The following UNK variants were observed in gnomAD, a reference collection of about 807,000 sequenced individuals.
The protein encoded by UNK is RING finger protein unkempt homolog.
Under a neutral mutation model 97.6 loss-of-function variants are expected in UNK, and 32 were observed. The ratio of observed to expected loss-of-function variants is 0.33; its 90% CI spans 0.25 to 0.44. The LOEUF is 0.44. Among genes scored for constraint, UNK ranks in the 20% least tolerant of loss-of-function variants. The pLI, the probability that UNK is intolerant of heterozygous loss-of-function variation, is 1.00. For synonymous variants in UNK, 441 were observed against 461.2 expected (o/e 0.96, Z 0.56); for missense variants, 771 against 1,098.4 (o/e 0.70, Z 4.21).
intron 1 of UNK, among the ~76,000 whole-genome samples, chr17:75,805,097 C>T (rs1382493236): frequency 4.6e-5 from 7 of 150,538 alleles, no homozygotes; most frequent in Non-Finnish European, 7.4e-5. Context: ...AGGAGAATGG[C>T]GTGAACCCAG....
Position 75,818,868 on chromosome 17 carries a change from A to C in UNK, c.1546+52A>C, listed in dbSNP as rs1599388603. On this transcript the variant is annotated intron_variant, in intron 11 of 15. Coordinates refer to ENST00000589666, the MANE Select transcript of UNK (RefSeq NM_001080419.3). This position sits in a 1 kb window ranked among gnomAD's most constrained non-coding sequence, Gnocchi z 5.1. ...CCCAGGACTGGGTCTGGGGTCAGAG[A>C]CCCCCCAGTCTCTGAAGCGAGTCTC... 2.0e-6 allele frequency: 3 copies of C among 1,479,908 alleles called. No individual in the cohort carries two copies. The highest frequency in any genetic ancestry group is 1.8e-6 in the Non-Finnish European group (2 of 1,110,514). 91.7% of individuals were successfully genotyped at this position (1,479,908 alleles called of 1,614,324 possible). A position where few individuals can be genotyped will look rare whatever the true frequency, so the allele number is the denominator to read the frequency against.
intron 1 of UNK, 38 bp from the exon 2 acceptor site, chr17:75,809,722 C>T: frequency 6.4e-7 from 1 of 1,557,904 alleles, no homozygotes; most frequent in Non-Finnish European, 8.7e-7. Context: ...ACTTCATTCT[C>T]TGCTCCCGGC....
In UNK at chr17:75,825,272, C is replaced by T. The variant is rs1381790771; in HGVS notation, c.*855C>T. 1 of 152,140 alleles carries T rather than the reference C, an allele frequency of 6.6e-6. No homozygotes were observed. Among genetic ancestry groups the T allele is most frequent in the Non-Finnish European group, 1.5e-5 (1 of 67,986 alleles). The allele number at this position is 152,140 out of a possible 1,614,324, so 9.4% of individuals were successfully genotyped here. ...CCCAGGGCCGCCTACCAGGCTGGTACTCATTCTATGACCACCGCCCCCAAC... is the reference window on the plus strand; with the variant it reads ...CCCAGGGCCGCCTACCAGGCTGGTATTCATTCTATGACCACCGCCCCCAAC... On this transcript the variant is annotated 3_prime_UTR_variant, in exon 16 of 16. Coordinates refer to ENST00000589666, the MANE Select transcript of UNK (RefSeq NM_001080419.3). The surrounding 1 kb of genome is among the most constrained non-coding windows in gnomAD (Gnocchi z 4.4).
chr17:75,821,159 C>G (rs898991949), intron 13 of UNK: 6 of 306,006 alleles, frequency 2.0e-5, no homozygotes, highest in Non-Finnish European at 3.3e-5. Flanking sequence ...TCAGGTAATC[C>G]TTCCACATCA....
chr17:75,787,208 C>G (rs931591730), intron 1 of UNK, among the ~76,000 whole-genome samples: 2 of 152,000 alleles, frequency 1.3e-5, no homozygotes, highest in African/African-American at 2.4e-5. Context: ...CACTTGCTGG[C>G]TCTGATTTTT....
intron 1 of UNK, among the ~76,000 whole-genome samples, chr17:75,807,803 G>A (rs2061932599): frequency 6.6e-6 from 1 of 151,396 alleles, no homozygotes; most frequent in Non-Finnish European, 1.5e-5. Context: ...TGGCCAGTCT[G>A]GTCTTGAACT....
chr17:75,812,011 CA>C, intron 2 of UNK, 100 bp from the exon 3 acceptor site: 1 of 1,361,820 alleles, frequency 7.3e-7, no homozygotes, highest in Non-Finnish European at 9.9e-7. Flanking sequence ...AAACAAACAA[CA>C]ACAACAACAA....
rs74319437 is a variant in UNK at position 75,813,898 on chromosome 17, G to C, written c.876+20G>C. On this transcript the variant is annotated intron_variant, in intron 6 of 15. Transcript: ENST00000589666. ...CCCGAGGTGGGCCCCACAGCAGGGT[G>C]GGGGGGTGGCTTTGGGAAGTAAGGA... The C allele has an allele frequency of 7.0e-3, 10,721 of 1,539,118 alleles. 109 individuals are homozygous for C. Among genetic ancestry groups the C allele is most frequent in the Middle Eastern group, 0.04 (239 of 5,906 alleles).
intron 1 of UNK, among the ~76,000 whole-genome samples, chr17:75,797,524 C>T (rs1455955714): frequency 6.6e-6 from 1 of 152,248 alleles, no homozygotes; most frequent in Non-Finnish European, 1.5e-5. Flanking sequence ...CATGAGCTAC[C>T]ACACCTGGCC....
At chr17:75,821,607 C>G (rs1196555033) in intron 13 of UNK, 1 of 456,656 alleles carries the variant, frequency 2.2e-6, no homozygotes, top group African/African-American at 2.0e-5. Context: ...TTGTGTGTCT[C>G]AGAGAGCAAA....
At chr17:75,788,000 G>A (rs1018817408) in intron 1 of UNK, among the ~76,000 whole-genome samples, 1 of 151,900 alleles carries the variant, frequency 6.6e-6, no homozygotes, top group African/African-American at 2.4e-5. Flanking sequence ...TGGGAGTTAG[G>A]GGGCGGGAGC....
rs1446155529 is a variant in UNK, at chr17:75,818,566, GC to G, written c.1372-72del. 6.1e-6 allele frequency: 9 copies of G among 1,487,524 alleles called. No individual in the cohort carries two copies. In the East Asian group the frequency reaches 1.9e-4, roughly 31 times the overall value. 92.1% of individuals were successfully genotyped at this position (1,487,524 alleles called of 1,614,324 possible). ...GCACGGGCCATTTCCCTTGCCCCCA[GC>G]CCCTCTCCAGCCTCTCGTCCTGGCC... On this transcript the variant is annotated intron_variant, in intron 10 of 15. Transcript: ENST00000589666. This position sits in a 1 kb window ranked among gnomAD's most constrained non-coding sequence, Gnocchi z 5.1.
intron 1 of UNK, among the ~76,000 whole-genome samples, chr17:75,789,425 C>G (rs1198008771): frequency 1.3e-5 from 2 of 152,140 alleles, no homozygotes; most frequent in African/African-American, 4.8e-5. Context: ...CAAGCTCCGC[C>G]TCCTGGGTTC....
In UNK at chr17:75,817,434, T is replaced by C. The variant is rs763366409; in HGVS notation, c.1213T>C (p.Ser405Pro). 2.7e-5 allele frequency: 43 copies of C among 1,612,888 alleles called. No homozygotes were observed. Among genetic ancestry groups the C allele is most frequent in the Admixed American group, 1.2e-4 (7 of 59,944 alleles). ...GGAGGGCATCGTCTTCCCTGGGGAG[T>C]CTGGCCTGGCCCCTGGCAGCTATAA... ...NLEGIVFPGE[S>P]GLAPGSYKKA... Residue 405 changes from serine (S) to proline (P), a missense_variant, in exon 9 of 16, where the codon TCT becomes CCT. Ser to Pro is a moderately conservative substitution (Grantham distance 74). This residue lies in a region of UNK where 192 missense variants were observed against 202.4 expected (regional missense o/e 0.95). Coordinates refer to ENST00000589666, the MANE Select transcript of UNK (RefSeq NM_001080419.3). This position sits in a 1 kb window ranked among gnomAD's most constrained non-coding sequence, Gnocchi z 5.8.
intron 1 of UNK, among the ~76,000 whole-genome samples, chr17:75,805,413 AAAC>A (rs2061903524): frequency 6.6e-6 from 1 of 151,070 alleles, no homozygotes; most frequent in Admixed American, 6.6e-5. Flanking sequence ...AAAAAAAAAA[AAAC>A]AAGCCCACAT....
Position 75,813,225 on chromosome 17 carries a change from C to T in UNK, c.758+12C>T. On this transcript the variant is annotated intron_variant, in intron 5 of 15. Coordinates refer to ENST00000589666, the MANE Select transcript of UNK (RefSeq NM_001080419.3). The stretch of plus-strand genomic sequence containing the variant: ...AAGCACAAATACAGGTCCTTAGGCC[C>T]CAGGAGGCCAGCCACGGGAGGGAGG... 1 of 1,567,388 alleles carries T rather than the reference C, an allele frequency of 6.4e-7. No individual in the cohort carries two copies. The highest frequency in any genetic ancestry group is 8.6e-7 in the Non-Finnish European group (1 of 1,157,304).
At position 75,825,032 on chromosome 17, in the gene UNK, A is replaced by G. The variant is rs2062106344; in HGVS notation, c.*615A>G. 1 of 152,206 alleles carries G rather than the reference A, an allele frequency of 6.6e-6. No individual in the cohort carries two copies. Among genetic ancestry groups the G allele is most frequent in the Admixed American group, 6.5e-5 (1 of 15,280 alleles). The allele number at this position is 152,206 out of a possible 1,614,324, so 9.4% of individuals were successfully genotyped here. A position where few individuals can be genotyped will look rare whatever the true frequency, so the allele number is the denominator to read the frequency against. On this transcript the variant is annotated 3_prime_UTR_variant, in exon 16 of 16. Transcript: ENST00000589666. The surrounding 1 kb of genome is among the most constrained non-coding windows in gnomAD (Gnocchi z 4.4). ...GAGTGCTGGGGGTCTCAGCTGGCTT[A>G]GCTCCTAAGTTTACCAAATGTTAAT...
At position 75,818,151 on chromosome 17, in the gene UNK, C is replaced by T. The variant is rs113278239; in HGVS notation, c.1354C>T (p.Leu452=). The T allele has an allele frequency of 0.028, 44,704 of 1,613,492 alleles. 767 individuals are homozygous for T. Among genetic ancestry groups the T allele is most frequent in the Non-Finnish European group, 0.033 (39,126 of 1,179,728 alleles). The change falls in exon 10 of 16, where the codon CTG becomes TTG. Residue 452 remains leucine, a synonymous_variant. Coordinates refer to ENST00000589666, the MANE Select transcript of UNK (RefSeq NM_001080419.3). The surrounding 1 kb of genome is among the most constrained non-coding windows in gnomAD (Gnocchi z 5.1). ...SLEPRSQEQP[L]LQPKQDMLGI... ...AGAGCCCAGGAGTCAAGAGCAGCCT[C>T]TGCTTCAGCCCAAACAGGTATAGAG... is the stretch of plus-strand genomic sequence containing the variant.
Position 75,824,126 on chromosome 17 carries a change from G to C in UNK, c.2278-136G>C. The C allele has an allele frequency of 9.2e-7, 1 of 1,084,752 alleles. No individual in the cohort carries two copies. The highest frequency in any genetic ancestry group is 1.2e-6 in the Non-Finnish European group (1 of 802,566). 67.2% of individuals were successfully genotyped at this position (1,084,752 alleles called of 1,614,324 possible). The stretch of plus-strand genomic sequence containing the variant: ...AGCCTGCTCTCTCACCTGCCAACAG[G>C]GGTCTGGGAGCACACTGTTGAGCTC... On this transcript the variant is annotated intron_variant, in intron 15 of 15. Transcript: ENST00000589666. The surrounding 1 kb of genome is among the most constrained non-coding windows in gnomAD (Gnocchi z 4.9).
Sources: allele counts gnomAD v4.1 joint callset (sites outside exome capture counted in the v4.1 genomes callset), GRCh38; gene constraint gnomAD v4.1.1; regional missense constraint gnomAD v4.1.1; non-coding constraint Gnocchi (gnomAD v3.1); transcripts MANE v1.5; gene names NCBI Gene and HGNC (gene_info 2026-07-23, HGNC 2026-07-21).